Variants in TNNI3K observed in about 807,000 individuals in gnomAD.
TNNI3K encodes the protein serine/threonine-protein kinase TNNI3K.
A neutral mutation model predicts 114.5 loss-of-function variants in TNNI3K; 140 were observed. The ratio of observed to expected loss-of-function variants is 1.22; its 90% CI spans 1.07 to 1.41. The LOEUF (loss-of-function observed/expected upper bound fraction) is 1.41, where lower values mean the gene tolerates loss of function less well. Among genes scored for constraint, TNNI3K ranks in the 40% most tolerant of loss-of-function variants. The probability of loss-of-function intolerance (pLI) is 0.00; values close to 1 mark genes in which losing one functional copy is unlikely to be tolerated. For missense variants in TNNI3K, 1,125 were observed against 1,007.6 expected (o/e 1.12, Z -1.58); for synonymous variants, 347 against 347.5 (o/e 1.00, Z 0.02).
chr1:74,493,071 A>G (rs1164485428), intron 23 of TNNI3K, among the ~76,000 whole-genome samples: 1 of 152,132 alleles, frequency 6.6e-6, no homozygotes, highest in Non-Finnish European at 1.5e-5. Flanking sequence ...TATCTCCTTA[A>G]AGGCCTTCTC....
chr1:74,438,045 A>G (rs1258771401), intron 19 of TNNI3K, among the ~76,000 whole-genome samples: 2 of 151,692 alleles, frequency 1.3e-5, no homozygotes, highest in Non-Finnish European at 2.9e-5. Flanking sequence ...AAATAAATAA[A>G]TTAGTGCTAA....
chr1:74,485,379 G>A lies in TNNI3K; in HGVS notation c.2122-3810G>A, dbSNP rs11210464. On this transcript the variant is annotated intron_variant, in intron 21 of 24. Coordinates refer to ENST00000326637, the MANE Select transcript of TNNI3K (RefSeq NM_015978.3). ...TTTAGTCCTACCTGGCCGGTTAGTC[G>A]GCCTCATGGATGTGTGGTTCAGGGG... Among the ~76,000 whole-genome samples the A allele has an allele frequency of 4.2e-3, 641 of 152,234 alleles. 6 individuals are homozygous for A. The highest frequency in any genetic ancestry group is 0.015 in the African/African-American group (616 of 41,552).
At chr1:74,492,681 A>T (rs529469967) in intron 23 of TNNI3K, among the ~76,000 whole-genome samples, 2 of 152,302 alleles carry the variant, frequency 1.3e-5, no homozygotes, top group East Asian at 3.9e-4. Flanking sequence ...TATACCCTAA[A>T]ATTGGAAATA....
chr1:74,486,355 T>C (rs1668764753), intron 21 of TNNI3K, among the ~76,000 whole-genome samples: 1 of 152,082 alleles, frequency 6.6e-6, no homozygotes, highest in Admixed American at 6.6e-5. Flanking sequence ...GAGTTTCTCG[T>C]TGTTTTCTGT....
At chr1:74,371,093 T>A (rs1007991756) in intron 17 of TNNI3K, 8 of 151,868 alleles carry the variant, frequency 5.3e-5, no homozygotes, top group African/African-American at 1.9e-4. Flanking sequence ...TAGAGAATAG[T>A]TGGACAAACA....
Position 74,469,806 on chromosome 1 carries a change from G to T in TNNI3K, c.2121+6256G>T, listed in dbSNP as rs1667835239. On this transcript the variant is annotated intron_variant, in intron 21 of 24. Transcript: ENST00000326637. ...TGATCCACTTCTAATGCATGCAAAG[G>T]CTAGTGGGTGTTTGTCCTCTTGAAG... The T allele has an allele frequency of 1.5e-5, 6 of 399,150 alleles. No individual in the cohort carries two copies. The East Asian group carries it at 2.1e-4, about 14-fold the overall frequency. 24.7% of individuals were successfully genotyped at this position (399,150 alleles called of 1,614,324 possible).
intron 21 of TNNI3K, chr1:74,475,438 G>T: frequency 1.4e-6 from 1 of 717,162 alleles, no homozygotes; most frequent in South Asian, 1.5e-5. Flanking sequence ...AGGAGGCTCT[G>T]AACATTCCGA....
intron 4 of TNNI3K, among the ~76,000 whole-genome samples, chr1:74,251,274 G>C (rs1179555352): frequency 6.6e-6 from 1 of 152,192 alleles, no homozygotes; most frequent in Non-Finnish European, 1.5e-5. Flanking sequence ...GCACCTGATA[G>C]AATAATAAAT....
At chr1:74,475,605 C>G in intron 21 of TNNI3K, 1 of 717,254 alleles carries the variant, frequency 1.4e-6, no homozygotes, top group Non-Finnish European at 2.6e-6. Context: ...TTCTGGACCC[C>G]ACAGTGGACA....
At chr1:74,437,947 G>C (rs928902425) in intron 19 of TNNI3K, among the ~76,000 whole-genome samples, 1 of 151,612 alleles carries the variant, frequency 6.6e-6, no homozygotes, top group Non-Finnish European at 1.5e-5. Context: ...ATAAGCTTTT[G>C]TTGAATGTAA....
At chr1:74,242,711 CAA>C (rs1315474845) in intron 2 of TNNI3K, among the ~76,000 whole-genome samples, 1 of 152,088 alleles carries the variant, frequency 6.6e-6, no homozygotes, top group Non-Finnish European at 1.5e-5. Flanking sequence ...CAAAAGGAAA[CAA>C]AGAATTCATA....
intron 7 of TNNI3K, among the ~76,000 whole-genome samples, chr1:74,338,719 G>T (rs1660606125): frequency 6.6e-6 from 1 of 152,096 alleles, no homozygotes; most frequent in South Asian, 2.1e-4. Context: ...GACAACCGTG[G>T]CAAGAGACTA....
At position 74,353,316 on chromosome 1, in the gene TNNI3K, A is replaced by G. The variant is rs372524871; in HGVS notation, c.983A>G (p.Gln328Arg). The G allele has an allele frequency of 1.9e-6, 3 of 1,613,756 alleles. No homozygotes were observed. The highest frequency in any genetic ancestry group is 2.2e-5 in the East Asian group (1 of 44,854). The change falls in exon 10 of 25, where the codon CAG becomes CGG. Residue 328 changes from glutamine to arginine, a missense_variant. Coordinates refer to ENST00000326637, the MANE Select transcript of TNNI3K (RefSeq NM_015978.3). ...SIDLVKFLLD[Q>R]NVININHQGR... Reference sequence around the variant, plus strand: ...GACCTAGTCAAATTTCTTCTTGATCAGAATGTCATAAACATCAACCACCAA... The same window carrying G: ...GACCTAGTCAAATTTCTTCTTGATCGGAATGTCATAAACATCAACCACCAA...
chr1:74,405,293 T>C (rs1355350735), intron 17 of TNNI3K, among the ~76,000 whole-genome samples: 3 of 152,126 alleles, frequency 2.0e-5, no homozygotes, highest in African/African-American at 7.2e-5. Flanking sequence ...AATATAGATA[T>C]GAGTCTAAAA....
At chr1:74,480,976 G>GA (rs1347733638) in intron 21 of TNNI3K, 4 of 699,326 alleles carry the variant, frequency 5.7e-6, no homozygotes, top group East Asian at 2.7e-5. Context: ...CTGCTGTGGG[G>GA]AAAAAAGCAC....
intron 17 of TNNI3K, among the ~76,000 whole-genome samples, chr1:74,379,392 C>G (rs1430902459): frequency 6.6e-6 from 1 of 151,822 alleles, no homozygotes; most frequent in South Asian, 2.1e-4. Context: ...AATAAAAAGA[C>G]TATGGCCACT....
intron 23 of TNNI3K, among the ~76,000 whole-genome samples, chr1:74,523,946 C>G (rs970669568): frequency 6.6e-6 from 1 of 152,098 alleles, no homozygotes; most frequent in Non-Finnish European, 1.5e-5. Flanking sequence ...CCGACAGGCC[C>G]CAGTGTGTGA....
chr1:74,329,493 G>A (rs780040136), intron 5 of TNNI3K, among the ~76,000 whole-genome samples: 15 of 151,882 alleles, frequency 9.9e-5, no homozygotes, highest in African/African-American at 3.4e-4. Context: ...CAGAAATTTC[G>A]GATTTTTCAA....
chr1:74,418,226 G>A (rs1462536774), intron 17 of TNNI3K: 1 of 450,934 alleles, frequency 2.2e-6, no homozygotes, highest in Non-Finnish European at 4.5e-6. Flanking sequence ...TGAACATGAG[G>A]CAGTGCATCA....
Sources: allele counts gnomAD v4.1 joint callset (sites outside exome capture counted in the v4.1 genomes callset), GRCh38; gene constraint gnomAD v4.1.1; transcripts MANE v1.5; gene names NCBI Gene and HGNC (gene_info 2026-07-23, HGNC 2026-07-21).